Variants in FRS2 observed in about 807,000 individuals in gnomAD.
FRS2 encodes FGFR signalling adaptor.
A neutral mutation model predicts 43.9 loss-of-function variants in FRS2; 8 were observed. That is an observed-to-expected ratio of 0.18 (90% CI 0.11 to 0.33). FRS2 has a LOEUF of 0.33. Ranked by LOEUF, FRS2 falls within the 10% of genes least tolerant of loss-of-function variation. FRS2 has a pLI of 1.00. For synonymous variants in FRS2, 219 were observed against 220.3 expected, an observed-to-expected ratio of 0.99 and a Z score of 0.05; for missense variants, 534 against 627.6, an observed-to-expected ratio of 0.85 and a Z score of 1.59.
chr12:69,474,700 G>A (rs375193617), intron 1 of FRS2, among the ~76,000 whole-genome samples: 5 of 152,322 alleles, frequency 3.3e-5, no homozygotes, highest in African/African-American at 9.6e-5. Flanking sequence ...GTCAGATTTG[G>A]TTACTTAAAA....
intron 3 of FRS2, among the ~76,000 whole-genome samples, chr12:69,551,519 G>A (rs1428267101): frequency 6.6e-6 from 1 of 152,198 alleles, no homozygotes; most frequent in Non-Finnish European, 1.5e-5. Flanking sequence ...ATGAAGGAAA[G>A]CAGACCATGA....
Position 69,574,524 on chromosome 12 carries a change from A to T in FRS2, c.1096A>T (p.Arg366Trp). 1 of 1,614,186 alleles carries T rather than the reference A, an allele frequency of 6.2e-7. No homozygotes were observed. Among genetic ancestry groups the T allele is most frequent in the Middle Eastern group, 1.6e-4 (1 of 6,062 alleles). Reference protein sequence around the residue: ...PPVWEARKLSRDEDDNLGPKT... With the variant: ...PPVWEARKLSWDEDDNLGPKT... ...TGTTTGGGAAGCCCGCAAGCTAAGT[A>T]GGGATGAAGATGACAATTTAGGACC... The change falls in exon 9 of 9, where the codon AGG becomes TGG. Residue 366 changes from arginine (R) to tryptophan (W), a missense_variant. Physicochemically the swap from Arg to Trp is moderately radical, Grantham distance 101. Coordinates refer to ENST00000549921, the MANE Select transcript of FRS2 (RefSeq NM_001278356.2).
chr12:69,547,107 C>A (rs533859356), intron 3 of FRS2, among the ~76,000 whole-genome samples: 1 of 152,044 alleles, frequency 6.6e-6, no homozygotes, highest in Non-Finnish European at 1.5e-5. Flanking sequence ...GTGAAATAAG[C>A]CAGTCACACA....
At chr12:69,557,617 T>TGCGCGCGCGC (rs1377444472) in intron 3 of FRS2, among the ~76,000 whole-genome samples, 19 of 117,036 alleles carry the variant, frequency 1.6e-4, no homozygotes, top group African/African-American at 5.5e-4. Flanking sequence ...TGTGTGTGTG[T>TGCGCGCGCGC]GTGCGCGCGC....
intron 3 of FRS2, among the ~76,000 whole-genome samples, chr12:69,554,423 C>T (rs1333695114): frequency 6.6e-6 from 1 of 152,168 alleles, no homozygotes; most frequent in Middle Eastern, 3.4e-3. Flanking sequence ...TGCAAATCCT[C>T]TCAAGTTTGC....
At chr12:69,556,575 C>T (rs1879376154) in intron 3 of FRS2, among the ~76,000 whole-genome samples, 1 of 151,950 alleles carries the variant, frequency 6.6e-6, no homozygotes, top group African/African-American at 2.4e-5. Flanking sequence ...ATCTGCCTGC[C>T]TTGGCCAAAG....
intron 3 of FRS2, among the ~76,000 whole-genome samples, chr12:69,548,026 A>G (rs1878567469): frequency 6.6e-6 from 1 of 151,628 alleles, no homozygotes; most frequent in African/African-American, 2.4e-5. Context: ...TTTTTTTATT[A>G]TTATTTTTTA....
intron 1 of FRS2, among the ~76,000 whole-genome samples, chr12:69,521,798 T>G (rs1875681350): frequency 6.6e-6 from 1 of 152,132 alleles, no homozygotes; most frequent in Admixed American, 6.5e-5. Context: ...GTATTTTTAG[T>G]AGAGACGGGA....
chr12:69,517,046 G>T (rs1206222726), intron 1 of FRS2, among the ~76,000 whole-genome samples: 1 of 152,106 alleles, frequency 6.6e-6, no homozygotes, highest in Non-Finnish European at 1.5e-5. Context: ...CGTGTCATGG[G>T]CTACAGTGAA....
At position 69,572,160 on chromosome 12, in the gene FRS2, G is replaced by A. The variant is rs763389941; in HGVS notation, c.455G>A (p.Arg152Gln). ...AAQNLPNGYP[R>Q]YPSFGDASSH... ...CAGAACTTACCTAATGGATATCCCC[G>A]ATATCCCTCATTTGGAGATGCTTCA... The change falls in exon 8 of 9, where the codon CGA (arginine) becomes CAA (glutamine). Residue 152 changes from arginine to glutamine, a missense_variant. Physicochemically the swap from Arg to Gln is conservative, Grantham distance 43 (BLOSUM62 1). Around this residue, in one of 3 missense-constraint regions of FRS2, gnomAD observed 446 missense variants for 494.2 expected, o/e 0.90. Transcript: ENST00000549921. The A allele has an allele frequency of 5.6e-6, 9 of 1,613,406 alleles. No homozygotes were observed. Among genetic ancestry groups the A allele is most frequent in the East Asian group, 4.5e-5 (2 of 44,868 alleles).
intron 1 of FRS2, among the ~76,000 whole-genome samples, chr12:69,474,488 T>C (rs766880883): frequency 3.9e-5 from 6 of 152,176 alleles, no homozygotes. Context: ...TGCTAAGTGA[T>C]TTATTTTATG....
At chr12:69,557,285 A>G (rs1879438313) in intron 3 of FRS2, among the ~76,000 whole-genome samples, 1 of 152,222 alleles carries the variant, frequency 6.6e-6, no homozygotes, top group Non-Finnish European at 1.5e-5. Context: ...GAATAAAAAC[A>G]TGGAATTTTG....
chr12:69,539,634 TCTC>T (rs1388476354), intron 3 of FRS2, among the ~76,000 whole-genome samples: 2 of 152,046 alleles, frequency 1.3e-5, no homozygotes, highest in Non-Finnish European at 2.9e-5. Flanking sequence ...TCTGTACCCT[TCTC>T]CTTTAAAAAG....
chr12:69,550,939 A>T (rs1276017819), intron 3 of FRS2, among the ~76,000 whole-genome samples: 1 of 152,250 alleles, frequency 6.6e-6, no homozygotes, highest in Admixed American at 6.5e-5. Flanking sequence ...ACAGCTTTTC[A>T]GCCAGTATTG....
At chr12:69,536,101 CTTTTTTTTTTTTTTTTTTTTTTTTTTTT>C (rs71094720) in intron 3 of FRS2, among the ~76,000 whole-genome samples, 1 of 37,176 alleles carries the variant, frequency 2.7e-5, no homozygotes, top group Admixed American at 4.0e-4. Context: ...TATTTTCATT[CTTTTTTTTTTTTTTTTTTTTTTTTTTTT>C]TTTTTTTTTT....
chr12:69,483,498 A>G (rs1487215122), intron 1 of FRS2, among the ~76,000 whole-genome samples: 1 of 152,224 alleles, frequency 6.6e-6, no homozygotes, highest in Non-Finnish European at 1.5e-5. Context: ...TTACAAAAAT[A>G]GAAAAAAATT....
intron 1 of FRS2, among the ~76,000 whole-genome samples, chr12:69,511,974 A>T (rs1275171325): frequency 6.6e-6 from 1 of 152,216 alleles, no homozygotes; most frequent in Non-Finnish European, 1.5e-5. Flanking sequence ...TGACAGTGTT[A>T]TATTTAATCT....
chr12:69,514,357 C>T (rs1412428678), intron 1 of FRS2, among the ~76,000 whole-genome samples: 1 of 152,148 alleles, frequency 6.6e-6, no homozygotes, highest in Non-Finnish European at 1.5e-5. Flanking sequence ...CTAAATGCTG[C>T]CACCTCTGCC....
chr12:69,511,788 A>G (rs1319749802), intron 1 of FRS2, among the ~76,000 whole-genome samples: 1 of 152,222 alleles, frequency 6.6e-6, no homozygotes, highest in Non-Finnish European at 1.5e-5. Context: ...AAATGGGCAC[A>G]GTGTTAGTAG....
Sources: allele counts gnomAD v4.1 joint callset (sites outside exome capture counted in the v4.1 genomes callset), GRCh38; gene constraint gnomAD v4.1.1; regional missense constraint gnomAD v4.1.1; transcripts MANE v1.5; gene names NCBI Gene and HGNC (gene_info 2026-07-23, HGNC 2026-07-21).